C16orf96: variants seen among roughly 807,000 people sequenced by gnomAD.
C16orf96 encodes the protein uncharacterized protein C16orf96.
In C16orf96, 108 loss-of-function variants were observed where a neutral mutation model predicts 103.6. The observed-to-expected ratio is 1.04, with a 90% CI of 0.89 to 1.22. The LOEUF (loss-of-function observed/expected upper bound fraction) is 1.22. Ranked by LOEUF, C16orf96 falls within the 50% of genes most tolerant of loss-of-function variation. C16orf96 has a pLI of 0.00. For missense variants in C16orf96, 1,586 were observed against 1,464.2 expected (o/e 1.08, Z -1.36); for synonymous variants, 566 against 593.5 (o/e 0.95, Z 0.67).
At chr16:4,560,208 A>G (rs927729001) in intron 1 of C16orf96, 2 of 149,404 alleles carry the variant, frequency 1.3e-5, no homozygotes, top group Admixed American at 6.7e-5. Flanking sequence ...TTTTATATAT[A>G]TGTTTGTTTT....
upstream of C16orf96, among the ~76,000 whole-genome samples, chr16:4,553,960 C>G (rs771961283): frequency 6.6e-6 from 1 of 152,204 alleles, no homozygotes; most frequent in Non-Finnish European, 1.5e-5. Flanking sequence ...TGTGGAATCC[C>G]TCAGCAGGGC....
upstream of C16orf96, among the ~76,000 whole-genome samples, chr16:4,554,545 C>G (rs1312173931): frequency 6.6e-6 from 1 of 151,364 alleles, no homozygotes; most frequent in Non-Finnish European, 1.5e-5. Context: ...GAAGTAGAGA[C>G]GGGGTTTCAC....
intron 11 of C16orf96, among the ~76,000 whole-genome samples, chr16:4,592,938 G>A (rs1185740105): frequency 6.6e-6 from 1 of 152,204 alleles, no homozygotes; most frequent in East Asian, 1.9e-4. Flanking sequence ...GCCTCCCAAA[G>A]TGCTGGGATC....
chr16:4,554,903 A>G (rs2059248562), upstream of C16orf96, among the ~76,000 whole-genome samples: 1 of 151,228 alleles, frequency 6.6e-6, no homozygotes. Context: ...TGCTGGGATT[A>G]CAGGCGTGAG....
At position 4,556,438 on chromosome 16, in the gene C16orf96, C is replaced by A; in HGVS notation, c.-52C>A. ...CTCTCGGAACCACTGAAAGCTACCC[C>A]TTGTCCTTGAGGACACCTGGAACCC... On this transcript the variant is annotated 5_prime_UTR_variant, in exon 1 of 16. Transcript: ENST00000444310. 6.8e-7 allele frequency: 1 copy of A among 1,470,966 alleles called. No individual in the cohort carries two copies. Among genetic ancestry groups the A allele is most frequent in the South Asian group, 1.4e-5 (1 of 73,504 alleles). 91.1% of individuals were successfully genotyped at this position (1,470,966 alleles called of 1,614,324 possible). A position where few individuals can be genotyped will look rare whatever the true frequency, so the allele number is the denominator to read the frequency against.
chr16:4,580,310 A>ATCCCCCCCCC (rs2059568338), intron 7 of C16orf96, among the ~76,000 whole-genome samples, 185 bp downstream of exon 7: 1 of 104,506 alleles, frequency 9.6e-6, no homozygotes, highest in East Asian at 3.4e-4. Flanking sequence ...GAATCCCACC[A>ATCCCCCCCCC]CCCCCCCCCA....
chr16:4,568,387 A>T (rs1330205739), intron 1 of C16orf96, among the ~76,000 whole-genome samples: 1 of 152,114 alleles, frequency 6.6e-6, no homozygotes, highest in Non-Finnish European at 1.5e-5. Flanking sequence ...TATTCCGTAG[A>T]TATCTGTTAT....
At chr16:4,573,751 CAAA>C (rs558632038) in intron 2 of C16orf96, among the ~76,000 whole-genome samples, 18 of 94,746 alleles carry the variant, frequency 1.9e-4, no homozygotes, top group Admixed American at 2.2e-4. Flanking sequence ...GACTCTGTCT[CAAA>C]AAAAAAAAAA....
chr16:4,599,091 C>A (rs1897233182), intron 14 of C16orf96, among the ~76,000 whole-genome samples, 193 bp from the exon 15 acceptor site: 1 of 150,570 alleles, frequency 6.6e-6, no homozygotes, highest in Non-Finnish European at 1.5e-5. Flanking sequence ...AGAGCGGAGA[C>A]CCTGCCTCAA....
intron 1 of C16orf96, 125 bp downstream of exon 1, chr16:4,557,034 A>T: frequency 8.9e-7 from 1 of 1,129,386 alleles, no homozygotes; most frequent in Non-Finnish European, 1.2e-6. Flanking sequence ...CAGTGGTGTG[A>T]TCTTGGCTCA....
chr16:4,544,889 A>C, the C16orf96 span, among the ~76,000 whole-genome samples: 1 of 152,102 alleles, frequency 6.6e-6, no homozygotes, highest in South Asian at 2.1e-4. Context: ...GTATATGCAA[A>C]CGTAAAGGCG....
At position 4,580,088 on chromosome 16, in the gene C16orf96, C is replaced by T. The variant is rs558737573; in HGVS notation, c.2315C>T (p.Ala772Val). 700 of 1,543,808 alleles carry T rather than the reference C, an allele frequency of 4.5e-4. 8 individuals are homozygous for T. In the South Asian group the frequency reaches 7.3e-3, roughly 16 times the overall value. The change falls in exon 7 of 16, where the codon GCG becomes GTG. Residue 772 changes from alanine (A) to valine (V), a missense_variant. Ala to Val is a moderately conservative substitution (Grantham distance 64, BLOSUM62 0). Transcript: ENST00000444310. Reference sequence around the variant, plus strand: ...GATCGCTACATCACTTTGGACAAGGCGGTGGAGAACCTGCAGATTCGCATG... The same window carrying T: ...GATCGCTACATCACTTTGGACAAGGTGGTGGAGAACCTGCAGATTCGCATG... The part of the protein sequence containing the change: ...MKDRYITLDK[A>V]VENLQIRMDE...
chr16:4,558,044 C>T (rs377433406), intron 1 of C16orf96, among the ~76,000 whole-genome samples: 3 of 152,198 alleles, frequency 2.0e-5, no homozygotes, highest in Admixed American at 6.5e-5. Context: ...TGAACAGGCA[C>T]GCCCGGCCTA....
Position 4,575,926 on chromosome 16 carries a change from A to G in C16orf96, c.1446A>G (p.Arg482=). 6.4e-7 allele frequency: 1 copy of G among 1,551,574 alleles called. No homozygotes were observed. Among genetic ancestry groups the G allele is most frequent in the Non-Finnish European group, 8.7e-7 (1 of 1,146,978 alleles). ...RARKDGAPKD[R]TRKDGVPKDR... ...GCAAGGATGGGGCCCCCAAGGATAG[A>G]ACTCGCAAGGATGGGGTCCCCAAAG... Residue 482 remains arginine, a synonymous_variant, in exon 5 of 16, where the codon AGA becomes AGG. Transcript: ENST00000444310.
chr16:4,593,342 G>A lies in C16orf96; in HGVS notation c.2867+26G>A, dbSNP rs1037884125. 7 of 1,545,022 alleles carry A rather than the reference G, an allele frequency of 4.5e-6. No individual in the cohort carries two copies. The Admixed American group carries it at 9.8e-5, about 22-fold the overall frequency. On this transcript the variant is annotated intron_variant, in intron 12 of 15. Transcript: ENST00000444310. The surrounding 1 kb of genome is among the most constrained non-coding windows in gnomAD (Gnocchi z 4.2). ...GTGAGCAGGATGGGCGCCCCGCAGG[G>A]AGGCCGCCCCGCATGGAGGCCACTC...
At chr16:4,542,042 C>A in the C16orf96 span, among the ~76,000 whole-genome samples, 1 of 152,166 alleles carries the variant, frequency 6.6e-6, no homozygotes, top group Non-Finnish European at 1.5e-5. Context: ...CCAAGAGAGG[C>A]AAATAGAAGG....
chr16:4,561,621 C>T (rs745309564), intron 1 of C16orf96: 3 of 152,224 alleles, frequency 2.0e-5, no homozygotes, highest in Non-Finnish European at 4.4e-5. Flanking sequence ...AGCTGTACAG[C>T]CTTCAGGACT....
chr16:4,600,503 C>T lies in C16orf96; in HGVS notation c.*186C>T, dbSNP rs1392796842. The T allele has an allele frequency of 4.2e-6, 2 of 475,382 alleles. No individual in the cohort carries two copies. Among genetic ancestry groups the T allele is most frequent in the Non-Finnish European group, 7.6e-6 (2 of 261,502 alleles). 29.4% of individuals were successfully genotyped at this position (475,382 alleles called of 1,614,324 possible). A position where few individuals can be genotyped will look rare whatever the true frequency, so the allele number is the denominator to read the frequency against. On this transcript the variant is annotated 3_prime_UTR_variant, in exon 16 of 16. Transcript: ENST00000444310. ...GAGGCTCATGCGCCCCCCCCCATCC[C>T]TACCAAGTCCCCTCCACGTCCGAGG...
Position 4,587,227 on chromosome 16 carries a change from T to C in C16orf96, c.2427+114T>C, listed in dbSNP as rs577490033. 6.6e-6 allele frequency: 7 copies of C among 1,052,774 alleles called. 1 individual carries two copies. Among genetic ancestry groups the C allele is most frequent in the Admixed American group, 6.4e-5 (3 of 46,684 alleles). 65.2% of individuals were successfully genotyped at this position (1,052,774 alleles called of 1,614,324 possible). A position where few individuals can be genotyped will look rare whatever the true frequency, so the allele number is the denominator to read the frequency against. On this transcript the variant is annotated intron_variant, in intron 8 of 15. Transcript: ENST00000444310. ...GAATTTCCCTCCCCCTTTGTTCATA[T>C]TGAAACCAGGAGTTGGCTGGGCGCA...
Sources: allele counts gnomAD v4.1 joint callset (sites outside exome capture counted in the v4.1 genomes callset), GRCh38; gene constraint gnomAD v4.1.1; non-coding constraint Gnocchi (gnomAD v3.1); transcripts MANE v1.5; gene names NCBI Gene and HGNC (gene_info 2026-07-23, HGNC 2026-07-21).